SRPK2: variants seen among roughly 807,000 people sequenced by gnomAD.
SRPK2 encodes SFRS protein kinase 2.
SRPK2 carries 21 observed loss-of-function variants against 90.8 expected under a neutral mutation model. The ratio of observed to expected loss-of-function variants is 0.23; its 90% CI spans 0.16 to 0.33. The LOEUF (loss-of-function observed/expected upper bound fraction) is 0.33, where lower values mean the gene tolerates loss of function less well. SRPK2 is among the 10% of genes least tolerant of loss of function. The pLI is 1.00. For missense variants in SRPK2, 620 were observed against 869.0 expected, an observed-to-expected ratio of 0.71 and a Z score of 3.60; for synonymous variants, 288 against 311.1, an observed-to-expected ratio of 0.93 and a Z score of 0.78.
intron 2 of SRPK2, among the ~76,000 whole-genome samples, chr7:105,250,909 C>T (rs1343035689): frequency 6.6e-6 from 1 of 152,050 alleles, no homozygotes; most frequent in African/African-American, 2.4e-5. Context: ...GGGATAATAA[C>T]TTTGTTTTTC....
At chr7:105,334,811 G>A (rs550523453) in intron 2 of SRPK2, among the ~76,000 whole-genome samples, 62 of 142,794 alleles carry the variant, frequency 4.3e-4, no homozygotes, top group Non-Finnish European at 8.6e-4. Context: ...CTGCACTCCA[G>A]CCTTCCAGCC....
intron 2 of SRPK2, among the ~76,000 whole-genome samples, chr7:105,311,944 GA>G (rs1195762543): frequency 2.0e-5 from 3 of 152,108 alleles, no homozygotes; most frequent in Admixed American, 6.5e-5. Context: ...CTAAAAGGAA[GA>G]AACAATCCAA....
chr7:105,202,284 T>C (rs547523424), intron 3 of SRPK2, among the ~76,000 whole-genome samples: 1 of 152,360 alleles, frequency 6.6e-6, no homozygotes, highest in South Asian at 2.1e-4. Context: ...ATCTACTAGA[T>C]AAATGATGAA....
chr7:105,347,973 C>A (rs996380395), intron 2 of SRPK2, among the ~76,000 whole-genome samples: 16 of 151,206 alleles, frequency 1.1e-4, no homozygotes, highest in African/African-American at 3.9e-4. Context: ...CAAAATTGCA[C>A]ATTTCCTTGA....
intron 2 of SRPK2, among the ~76,000 whole-genome samples, chr7:105,315,556 T>C (rs1243396409): frequency 6.6e-6 from 1 of 152,176 alleles, no homozygotes; most frequent in African/African-American, 2.4e-5. Flanking sequence ...AACATGAGAA[T>C]TCTGGGCCCA....
At chr7:105,340,547 G>C (rs1387091176) in intron 2 of SRPK2, among the ~76,000 whole-genome samples, 2 of 151,918 alleles carry the variant, frequency 1.3e-5, no homozygotes, top group African/African-American at 4.8e-5. Context: ...AAGTAGGTGG[G>C]AACACTAGCA....
chr7:105,339,261 T>C lies in SRPK2; in HGVS notation c.71+49387A>G, dbSNP rs370559872. Among the ~76,000 whole-genome samples the C allele has an allele frequency of 9.8e-5, 15 of 152,308 alleles. No individual in the cohort carries two copies. In the South Asian group the frequency reaches 2.7e-3, roughly 27 times the overall value. ...CCCAAAATACATGCCCTCAGGAATT[T>C]TGAATAGAGGTACAAAAAGCCATTC... On this transcript the variant is annotated intron_variant, in intron 2 of 15. Coordinates refer to ENST00000393651, the MANE Select transcript of SRPK2 (RefSeq NM_182692.3).
chr7:105,193,791 G>A (rs1019147851), intron 3 of SRPK2, among the ~76,000 whole-genome samples: 3 of 152,068 alleles, frequency 2.0e-5, no homozygotes, highest in Non-Finnish European at 4.4e-5. Flanking sequence ...AATACAAAGA[G>A]GTAAAGAAGA....
intron 2 of SRPK2, among the ~76,000 whole-genome samples, chr7:105,378,252 G>C (rs1002461427): frequency 6.6e-6 from 1 of 152,040 alleles, no homozygotes; most frequent in Non-Finnish European, 1.5e-5. Flanking sequence ...ATGCCCTCCT[G>C]ATTTCCAGTT....
At position 105,311,139 on chromosome 7, in the gene SRPK2, T is replaced by A. The variant is rs952306278; in HGVS notation, c.71+77509A>T. 3.3e-5 allele frequency among the ~76,000 whole-genome samples: 5 copies of A among 152,108 alleles called. No homozygotes were observed. In the South Asian group the frequency reaches 1.0e-3, roughly 32 times the overall value. On this transcript the variant is annotated intron_variant, in intron 2 of 15. Coordinates refer to ENST00000393651, the MANE Select transcript of SRPK2 (RefSeq NM_182692.3). ...CAGAATGAAAAAAAATATCTGCACA[T>A]CATATATCTGATAAGGGTCAAGAGT...
intron 7 of SRPK2, among the ~76,000 whole-genome samples, chr7:105,158,658 C>T (rs1370267783): frequency 6.6e-6 from 1 of 152,100 alleles, no homozygotes; most frequent in Non-Finnish European, 1.5e-5. Flanking sequence ...AATGATGGAG[C>T]CTGCGGGAAA....
chr7:105,325,835 G>T (rs1223253890), intron 2 of SRPK2, among the ~76,000 whole-genome samples: 1 of 152,198 alleles, frequency 6.6e-6, no homozygotes, highest in African/African-American at 2.4e-5. Flanking sequence ...GCCTAAACAA[G>T]AGAAGACCCT....
intron 2 of SRPK2, among the ~76,000 whole-genome samples, chr7:105,364,405 GT>G (rs71152964): frequency 4.6e-4 from 62 of 133,858 alleles, no homozygotes; most frequent in Admixed American, 7.9e-4. Flanking sequence ...CGTGTGTAAC[GT>G]TTTTTTTTTT....
At chr7:105,342,871 T>G (rs1428994201) in intron 2 of SRPK2, among the ~76,000 whole-genome samples, 1 of 151,940 alleles carries the variant, frequency 6.6e-6, no homozygotes, top group African/African-American at 2.4e-5. Flanking sequence ...AAGTCTAGAA[T>G]GGGAAAAGGT....
intron 2 of SRPK2, among the ~76,000 whole-genome samples, chr7:105,363,855 T>TA (rs1184642694): frequency 6.6e-6 from 1 of 152,062 alleles, no homozygotes; most frequent in African/African-American, 2.4e-5. Flanking sequence ...TATGCAGCCA[T>TA]AAAAAAGGAT....
At chr7:105,311,057 G>T (rs892110767) in intron 2 of SRPK2, among the ~76,000 whole-genome samples, 6 of 152,096 alleles carry the variant, frequency 3.9e-5, no homozygotes, top group African/African-American at 1.4e-4. Flanking sequence ...TGTAATAAAA[G>T]TAAAGAGCTG....
At chr7:105,226,365 C>CTG (rs1798710859) in intron 2 of SRPK2, among the ~76,000 whole-genome samples, 1 of 152,050 alleles carries the variant, frequency 6.6e-6, no homozygotes, top group Non-Finnish European at 1.5e-5. Context: ...ATTCAGCTCA[C>CTG]CAAAACCTCC....
chr7:105,398,436 T>G (rs924688538), intron 1 of SRPK2, among the ~76,000 whole-genome samples: 9 of 146,562 alleles, frequency 6.1e-5, no homozygotes, highest in African/African-American at 2.3e-4. Context: ...CAGGCTGGAG[T>G]GCAATGGCGC....
intron 2 of SRPK2, among the ~76,000 whole-genome samples, chr7:105,220,285 C>A (rs1231966175): frequency 1.3e-5 from 2 of 152,018 alleles, no homozygotes. Flanking sequence ...ACACCTGTAA[C>A]CGGGAGGCGG....
Sources: gnomAD v4.1 joint callset for allele counts (sites outside exome capture counted in the v4.1 genomes callset) on GRCh38, gnomAD v4.1.1 for gene constraint, MANE v1.5 for transcripts, NCBI Gene and HGNC (gene_info 2026-07-23, HGNC 2026-07-21) for gene names.